The following WDR7 variants were observed in gnomAD, a reference collection of about 807,000 sequenced individuals.
WDR7 encodes the protein WD repeat domain 7.
Under a neutral mutation model 169.4 loss-of-function variants are expected in WDR7, and 46 were observed. The ratio of observed to expected loss-of-function variants is 0.27; its 90% CI spans 0.21 to 0.35. The LOEUF (loss-of-function observed/expected upper bound fraction) is 0.35, where lower values mean the gene tolerates loss of function less well. WDR7 is among the 10% of genes least tolerant of loss of function. The pLI is 1.00. For synonymous variants in WDR7, 612 were observed against 666.8 expected, an observed-to-expected ratio of 0.92 and a Z score of 1.27; for missense variants, 1,534 against 1,859.3, an observed-to-expected ratio of 0.83 and a Z score of 3.22.
intron 13 of WDR7, among the ~76,000 whole-genome samples, chr18:56,725,182 C>G (rs2026417379): frequency 6.6e-6 from 1 of 150,658 alleles, no homozygotes; most frequent in African/African-American, 2.5e-5. Flanking sequence ...AATGGGATGG[C>G]TGGGTCAAAT....
At chr18:56,992,763 C>T (rs961958034) in intron 26 of WDR7, among the ~76,000 whole-genome samples, 3 of 152,152 alleles carry the variant, frequency 2.0e-5, no homozygotes, top group African/African-American at 7.2e-5. Flanking sequence ...CTTCTCTAAG[C>T]CAATCCAATC....
chr18:56,685,724 TAAA>T (rs1446174726), intron 5 of WDR7, among the ~76,000 whole-genome samples: 1 of 152,280 alleles, frequency 6.6e-6, no homozygotes, highest in East Asian at 1.9e-4. Context: ...TGATTAGAAA[TAAA>T]AAATTCAATT....
At position 56,919,503 on chromosome 18, in the gene WDR7, G is replaced by A. The variant is rs1454320496; in HGVS notation, c.3527-4419G>A. Reference sequence around the variant, plus strand: ...ACATTACTTCATCTTCTGTTTTGGGGAGATGCTCGTTAACTCAGCTGAAAT... The same window carrying A: ...ACATTACTTCATCTTCTGTTTTGGGAAGATGCTCGTTAACTCAGCTGAAAT... On this transcript the variant is annotated intron_variant, in intron 21 of 27. Coordinates refer to ENST00000254442, the MANE Select transcript of WDR7 (RefSeq NM_015285.3). 7.9e-5 allele frequency among the ~76,000 whole-genome samples: 4 copies of A among 50,364 alleles called. No individual in the cohort carries two copies. In the South Asian group the frequency reaches 3.4e-3, roughly 43 times the overall value. 33.0% of individuals were successfully genotyped at this position (50,364 alleles called of 152,430 possible).
chr18:56,752,840 G>A (rs893981348), intron 14 of WDR7, among the ~76,000 whole-genome samples: 1 of 152,156 alleles, frequency 6.6e-6, no homozygotes, highest in Non-Finnish European at 1.5e-5. Context: ...TGCAGGATGA[G>A]TAGAAGTATG....
intron 14 of WDR7, among the ~76,000 whole-genome samples, chr18:56,745,969 C>A (rs2144880240): frequency 6.6e-6 from 1 of 152,244 alleles, no homozygotes; most frequent in Middle Eastern, 3.4e-3. Context: ...CAATGGTTGG[C>A]CAGCAAGTGT....
rs145078945 is a variant in WDR7, at chr18:56,721,094, G to A, written c.1774+2935G>A. 6.0e-3 allele frequency among the ~76,000 whole-genome samples: 918 copies of A among 151,994 alleles called. 6 individuals carry two copies. The highest frequency in any genetic ancestry group is 9.8e-3 in the Non-Finnish European group (664 of 67,952). ...CTAGAAAAAATCAGATTCAGCCAGG[G>A]TTTGATGTATGAAATGTATTTAAAC... On this transcript the variant is annotated intron_variant, in intron 13 of 27. Transcript: ENST00000254442.
At chr18:56,942,475 TAAAGAA>T (rs2047047467) in intron 25 of WDR7, among the ~76,000 whole-genome samples, 1 of 152,116 alleles carries the variant, frequency 6.6e-6, no homozygotes, top group Non-Finnish European at 1.5e-5. Flanking sequence ...AGGGCATAAA[TAAAGAA>T]AAACAGTAAG....
chr18:56,883,912 A>AT (rs1226537944), intron 21 of WDR7, among the ~76,000 whole-genome samples: 1 of 152,076 alleles, frequency 6.6e-6, no homozygotes. Flanking sequence ...CCAGTCATTG[A>AT]TTGATGGGCA....
intron 20 of WDR7, among the ~76,000 whole-genome samples, chr18:56,835,160 C>T (rs1372060646): frequency 6.6e-6 from 1 of 152,166 alleles, no homozygotes; most frequent in African/African-American, 2.4e-5. Flanking sequence ...AGGTATACCA[C>T]ACCAAAATAT....
chr18:56,867,276 A>G lies in WDR7; in HGVS notation c.3305-12668A>G, dbSNP rs2045895702. ...GGTCTCGAACTCCTGAGCTCAAGCC[A>G]TCTGCCTGCCTTGGCCTCCTAAAGT... On this transcript the variant is annotated intron_variant, in intron 20 of 27. Transcript: ENST00000254442. Among the ~76,000 whole-genome samples, 4 of 152,260 alleles carry G rather than the reference A, an allele frequency of 2.6e-5. No individual in the cohort carries two copies. In the South Asian group the frequency reaches 8.3e-4, roughly 32 times the overall value.
At chr18:56,895,668 C>T (rs1303334359) in intron 21 of WDR7, among the ~76,000 whole-genome samples, 1 of 151,594 alleles carries the variant, frequency 6.6e-6, no homozygotes, top group African/African-American at 2.4e-5. Flanking sequence ...TGTATCAAAA[C>T]ATCACATGTA....
intron 26 of WDR7, among the ~76,000 whole-genome samples, chr18:57,005,440 T>C (rs1346860487): frequency 6.6e-6 from 1 of 152,042 alleles, no homozygotes; most frequent in Non-Finnish European, 1.5e-5. Context: ...TATGGAAAAA[T>C]AAAATAGTGC....
Position 56,939,454 on chromosome 18 carries a change from A to C in WDR7, c.4064+61A>C, listed in dbSNP as rs2047004587. The C allele has an allele frequency of 3.0e-6, 4 of 1,340,172 alleles. No homozygotes were observed. In the Admixed American group the frequency reaches 7.0e-5, roughly 24 times the overall value. The allele number at this position is 1,340,172 out of a possible 1,614,324, so 83.0% of individuals were successfully genotyped here. A position where few individuals can be genotyped will look rare whatever the true frequency, so the allele number is the denominator to read the frequency against. On this transcript the variant is annotated intron_variant, in intron 25 of 27. Transcript: ENST00000254442. ...TTTTCAGTAACAAATAATTTTAAAA[A>C]TTTTTGGCATGGTGTTAGTAGTCTT...
intron 16 of WDR7, among the ~76,000 whole-genome samples, chr18:56,770,604 G>A (rs1324719010): frequency 6.6e-6 from 1 of 152,186 alleles, no homozygotes; most frequent in Non-Finnish European, 1.5e-5. Context: ...TAATCCAGTG[G>A]TGATGTACAG....
At chr18:56,704,684 G>A (rs559681941) in intron 12 of WDR7, among the ~76,000 whole-genome samples, 2 of 152,238 alleles carry the variant, frequency 1.3e-5, no homozygotes, top group Non-Finnish European at 2.9e-5. Context: ...GCAGTGAGAG[G>A]CCCCTTTAAC....
chr18:57,028,935 T>C lies in WDR7; in HGVS notation c.*1728T>C, dbSNP rs2048407470. On this transcript the variant is annotated 3_prime_UTR_variant, in exon 28 of 28. Transcript: ENST00000254442. ...ACAAAGACCTATACAGTTTAGACTTTATTTGTTTGGTGAACGTGCTGTTGT... is the reference window on the plus strand; with the variant it reads ...ACAAAGACCTATACAGTTTAGACTTCATTTGTTTGGTGAACGTGCTGTTGT... The C allele has an allele frequency of 6.6e-6, 1 of 152,646 alleles. No individual in the cohort carries two copies. Among genetic ancestry groups the C allele is most frequent in the African/African-American group, 2.4e-5 (1 of 41,432 alleles). The allele number at this position is 152,646 out of a possible 1,614,324, so 9.5% of individuals were successfully genotyped here. A position where few individuals can be genotyped will look rare whatever the true frequency, so the allele number is the denominator to read the frequency against.
chr18:57,017,299 G>A (rs2048219220), intron 26 of WDR7, among the ~76,000 whole-genome samples: 1 of 152,224 alleles, frequency 6.6e-6, no homozygotes, highest in Admixed American at 6.5e-5. Context: ...TGCTTGAGCG[G>A]TGCTTGCTCT....
chr18:56,939,636 A>G (rs4801065), intron 25 of WDR7, among the ~76,000 whole-genome samples: 2,785 of 152,212 alleles, frequency 0.018, 44 homozygotes, highest in Admixed American at 0.039. Flanking sequence ...AGTAAGAGAG[A>G]ACATTCATTG....
chr18:56,698,149 C>T (rs1363562256), intron 12 of WDR7, among the ~76,000 whole-genome samples: 2 of 150,186 alleles, frequency 1.3e-5, no homozygotes, highest in Non-Finnish European at 3.0e-5. Context: ...GAGCTGAGAT[C>T]GTACCCTTGC....
Sources: allele counts gnomAD v4.1 joint callset (sites outside exome capture counted in the v4.1 genomes callset), GRCh38; gene constraint gnomAD v4.1.1; transcripts MANE v1.5; gene names NCBI Gene and HGNC (gene_info 2026-07-23, HGNC 2026-07-21).